Variants in SLC30A4 observed in about 807,000 individuals in gnomAD.
The protein encoded by SLC30A4 is solute carrier family 30 member 4, also known as probable proton-coupled zinc antiporter SLC30A4.
A neutral mutation model predicts 41.7 loss-of-function variants in SLC30A4; 20 were observed. That is an observed-to-expected ratio of 0.48 (90% CI 0.34 to 0.70). SLC30A4 has a LOEUF of 0.70. SLC30A4 is among the 30% of genes least tolerant of loss of function. The probability of loss-of-function intolerance (pLI) is 0.01; values close to 1 mark genes in which losing one functional copy is unlikely to be tolerated. For synonymous variants in SLC30A4, 181 were observed against 195.9 expected (o/e 0.92, Z 0.64); for missense variants, 441 against 529.3 (o/e 0.83, Z 1.64).
rs1278207425 is a variant in SLC30A4 at position 45,522,204 on chromosome 15, C to T, written c.151G>A (p.Ala51Thr). The change falls in exon 2 of 8, where the codon GCC (alanine) becomes ACC (threonine). Residue 51 changes from alanine to threonine, a missense_variant. Ala to Thr is a moderately conservative substitution (Grantham distance 58). This residue lies in a region of SLC30A4 where 312 missense variants were observed against 341.9 expected (regional missense o/e 0.91). Transcript: ENST00000261867. ...TCCGGGGCTTCGGAACCGTCATCGG[C>T]CACCACAACTCGAAGTTTGTTGAAC... ...SRFNKLRVVV[A>T]DDGSEAPERP... 4 of 1,614,232 alleles carry T rather than the reference C, an allele frequency of 2.5e-6. No homozygotes were observed. The highest frequency in any genetic ancestry group is 3.3e-5 in the Admixed American group (2 of 60,032).
intron 2 of SLC30A4, among the ~76,000 whole-genome samples, chr15:45,517,170 G>T (rs1892505386): frequency 2.7e-5 from 4 of 150,286 alleles, no homozygotes; most frequent in Admixed American, 2.7e-4. Flanking sequence ...AAAAAATTTG[G>T]AACACCTTTT....
intron 2 of SLC30A4, among the ~76,000 whole-genome samples, chr15:45,517,331 C>A (rs1485812492): frequency 2.0e-5 from 3 of 148,682 alleles, no homozygotes; most frequent in Admixed American, 6.7e-5. Context: ...CAAGAATATA[C>A]CCTCCAATCC....
chr15:45,511,166 T>C lies in SLC30A4; in HGVS notation c.510A>G (p.Lys170=). The part of the protein sequence containing the change: ...ALWLSSKSPT[K]RFTFGFHRLE... ...AGCGATGAAATCCAAAGGTGAATCTTTTGGTTGGTGATTTTGATGATAGCC... is the reference window on the plus strand; with the variant it reads ...AGCGATGAAATCCAAAGGTGAATCTCTTGGTTGGTGATTTTGATGATAGCC... Residue 170 remains lysine, a synonymous_variant, in exon 3 of 8, where the codon AAA becomes AAG. Transcript: ENST00000261867. 3 of 1,613,744 alleles carry C rather than the reference T, an allele frequency of 1.9e-6. No homozygotes were observed. The highest frequency in any genetic ancestry group is 2.5e-6 in the Non-Finnish European group (3 of 1,179,822).
intron 2 of SLC30A4, among the ~76,000 whole-genome samples, chr15:45,517,427 C>T (rs1892517465): frequency 7.0e-6 from 1 of 143,600 alleles, no homozygotes; most frequent in Admixed American, 7.4e-5. Context: ...GATCTCGGCT[C>T]ACCACAACCT....
chr15:45,521,163 T>C (rs1892654717), intron 2 of SLC30A4: 1 of 362,998 alleles, frequency 2.8e-6, no homozygotes, highest in Non-Finnish European at 5.6e-6. Context: ...TATGTCACTT[T>C]GTAAACTGTC....
At chr15:45,487,807 C>T (rs566191523) in intron 5 of SLC30A4, among the ~76,000 whole-genome samples, 175 bp from the exon 6 acceptor site, 29 of 152,216 alleles carry the variant, frequency 1.9e-4, no homozygotes, top group Admixed American at 9.8e-4. Flanking sequence ...AGACAGTTTA[C>T]GTTACTTGCC....
Position 45,480,819 on chromosome 15 carries a change from C to G in SLC30A4, c.*4344G>C, listed in dbSNP as rs992817530. On this transcript the variant is annotated 3_prime_UTR_variant, in exon 8 of 8. Transcript: ENST00000261867. ...AAGCTGTGAGAGTGGCTGAGAAACA[C>G]GACCCAAAGTCTTCTTAGCAATGAT... 1 of 152,182 alleles carries G rather than the reference C, an allele frequency of 6.6e-6. No homozygotes were observed. The highest frequency in any genetic ancestry group is 1.5e-5 in the Non-Finnish European group (1 of 68,046). The allele number at this position is 152,182 out of a possible 1,614,324, so 9.4% of individuals were successfully genotyped here.
intron 2 of SLC30A4, among the ~76,000 whole-genome samples, chr15:45,517,686 C>T (rs537854871): frequency 6.6e-6 from 1 of 152,150 alleles, no homozygotes; most frequent in Admixed American, 6.5e-5. Context: ...CGGTGGCTCA[C>T]GCCTGTAATC....
chr15:45,480,548 T>A lies in SLC30A4; in HGVS notation c.*4615A>T, dbSNP rs1389263354. ...CATTTATGACAAATAACCAACTGGC[T>A]CATGAGCTTGGCTTGCTTCAAAGAC... On this transcript the variant is annotated 3_prime_UTR_variant, in exon 8 of 8. Transcript: ENST00000261867. 4 of 152,206 alleles carry A rather than the reference T, an allele frequency of 2.6e-5. No individual in the cohort carries two copies. Among genetic ancestry groups the A allele is most frequent in the African/African-American group, 9.6e-5 (4 of 41,460 alleles). 9.4% of individuals were successfully genotyped at this position (152,206 alleles called of 1,614,324 possible).
chr15:45,501,877 C>G (rs1481406623), intron 3 of SLC30A4, among the ~76,000 whole-genome samples: 1 of 151,994 alleles, frequency 6.6e-6, no homozygotes, highest in Admixed American at 6.6e-5. Flanking sequence ...ATCTAGGAGA[C>G]AGAGTTTCAT....
At chr15:45,492,728 C>A (rs1410126899) in intron 3 of SLC30A4, among the ~76,000 whole-genome samples, 2 of 151,662 alleles carry the variant, frequency 1.3e-5, no homozygotes, top group African/African-American at 4.8e-5. Flanking sequence ...TGATACATTA[C>A]CATTTGTATA....
At chr15:45,505,871 T>G (rs62025213) in intron 3 of SLC30A4, among the ~76,000 whole-genome samples, 3 of 152,132 alleles carry the variant, frequency 2.0e-5, no homozygotes, top group African/African-American at 7.2e-5. Context: ...AAGACTTCTC[T>G]GTGTTTTCTT....
intron 2 of SLC30A4, among the ~76,000 whole-genome samples, chr15:45,512,057 T>C (rs1892310738): frequency 6.6e-6 from 1 of 152,160 alleles, no homozygotes; most frequent in Non-Finnish European, 1.5e-5. Flanking sequence ...TATGTAAAAA[T>C]TAACTGATTC....
chr15:45,487,911 AGT>A (rs145350286), intron 5 of SLC30A4, among the ~76,000 whole-genome samples: 3,431 of 137,586 alleles, frequency 0.025, 109 homozygotes, highest in East Asian at 0.12. Flanking sequence ...GAAAGAAGTA[AGT>A]GTGTGTGTGT....
intron 5 of SLC30A4, among the ~76,000 whole-genome samples, chr15:45,487,948 A>G (rs12437929): frequency 1 from 147,621 of 147,866 alleles, 73,688 homozygotes; most frequent in Middle Eastern, 1. Context: ...GTGTGTGTCA[A>G]AGCTGGAAAA....
At position 45,501,033 on chromosome 15, in the gene SLC30A4, T is replaced by C. The variant is rs1892019236; in HGVS notation, c.538+10105A>G. Reference sequence around the variant, plus strand: ...AGAATTATAGAAAAATGTGGCCAGGTGCGGTGGCTCACGCCTGTAATCCCA... The same window carrying C: ...AGAATTATAGAAAAATGTGGCCAGGCGCGGTGGCTCACGCCTGTAATCCCA... On this transcript the variant is annotated intron_variant, in intron 3 of 7. Transcript: ENST00000261867. Among the ~76,000 whole-genome samples, 4 of 147,396 alleles carry C rather than the reference T, an allele frequency of 2.7e-5. No individual in the cohort carries two copies. The South Asian group carries it at 9.5e-4, about 35-fold the overall frequency.
At chr15:45,489,191 G>C in intron 4 of SLC30A4, 149 bp from the exon 5 acceptor site, 2 of 647,972 alleles carry the variant, frequency 3.1e-6, no homozygotes, top group Non-Finnish European at 5.3e-6. Flanking sequence ...TAGGTACTTG[G>C]GTCAAAACAG....
intron 3 of SLC30A4, among the ~76,000 whole-genome samples, chr15:45,509,735 C>A (rs1892240884): frequency 6.6e-6 from 1 of 152,104 alleles, no homozygotes; most frequent in African/African-American, 2.4e-5. Context: ...AAGTTTTGCA[C>A]CAGAAGACCC....
At chr15:45,491,637 CACACATGTATGTGA>C (rs963956684) in intron 3 of SLC30A4, among the ~76,000 whole-genome samples, 1 of 152,286 alleles carries the variant, frequency 6.6e-6, no homozygotes. Context: ...TGGCACGTCT[CACACATGTATGTGA>C]ACACCTAATT....
Sources: gnomAD v4.1 joint callset for allele counts (sites outside exome capture counted in the v4.1 genomes callset) on GRCh38, gnomAD v4.1.1 for gene constraint, gnomAD v4.1.1 regional missense constraint, MANE v1.5 for transcripts, NCBI Gene and HGNC (gene_info 2026-07-23, HGNC 2026-07-21) for gene names.